The following PDGFC variants were observed in gnomAD, a reference collection of about 807,000 sequenced individuals.
PDGFC encodes platelet-derived growth factor C.
PDGFC carries 12 observed loss-of-function variants against 35.5 expected under a neutral mutation model. The ratio of observed to expected loss-of-function variants is 0.34; its 90% CI spans 0.22 to 0.55. The LOEUF (loss-of-function observed/expected upper bound fraction) is 0.55. PDGFC is among the 20% of genes least tolerant of loss of function. The probability of loss-of-function intolerance (pLI) is 0.91; values close to 1 mark genes in which losing one functional copy is unlikely to be tolerated. For missense variants in PDGFC, 322 were observed against 412.4 expected, an observed-to-expected ratio of 0.78 and a Z score of 1.90; for synonymous variants, 159 against 148.8, an observed-to-expected ratio of 1.07 and a Z score of -0.50.
At chr4:156,891,804 T>C (rs935783022) in intron 1 of PDGFC, among the ~76,000 whole-genome samples, 2 of 152,200 alleles carry the variant, frequency 1.3e-5, no homozygotes, top group Non-Finnish European at 2.9e-5. Flanking sequence ...TATAGTAGAA[T>C]AATTCACCAT....
chr4:156,961,201 T>C (rs1374473229), intron 1 of PDGFC, among the ~76,000 whole-genome samples: 1 of 152,136 alleles, frequency 6.6e-6, no homozygotes, highest in African/African-American at 2.4e-5. Flanking sequence ...TATGGCATTA[T>C]GGGAAACAAG....
intron 1 of PDGFC, chr4:156,873,872 G>T (rs1730045735): frequency 6.6e-6 from 1 of 152,198 alleles, no homozygotes; most frequent in African/African-American, 2.4e-5. Flanking sequence ...GTAAATGACA[G>T]TCCTCTATAC....
intron 1 of PDGFC, among the ~76,000 whole-genome samples, chr4:156,965,061 T>C (rs569293837): frequency 6.6e-6 from 1 of 152,300 alleles, no homozygotes; most frequent in East Asian, 1.9e-4. Flanking sequence ...ATTTGCCTGG[T>C]ACCTGCTCAC....
chr4:156,971,795 G>C lies in PDGFC; in HGVS notation c.-892C>G, dbSNP rs765887781. ...GGGGCTACGCGCGGCGTCTCCGCAC[G>C]GGGTGAAGAGGGAAGGCCGGGGCGG... On this transcript the variant is annotated 5_prime_UTR_variant, in exon 1 of 6. Transcript: ENST00000502773. 3.3e-5 allele frequency among the ~76,000 whole-genome samples: 5 copies of C among 152,100 alleles called. No individual in the cohort carries two copies. Among genetic ancestry groups the C allele is most frequent in the African/African-American group, 7.2e-5 (3 of 41,548 alleles).
chr4:156,770,811 T>C (rs1322678950), intron 4 of PDGFC, among the ~76,000 whole-genome samples: 2 of 152,172 alleles, frequency 1.3e-5, no homozygotes, highest in African/African-American at 4.8e-5. Context: ...TTTTAAGATA[T>C]TCAGTCCAAA....
intron 2 of PDGFC, among the ~76,000 whole-genome samples, chr4:156,820,343 T>C (rs1732215910): frequency 1.3e-5 from 2 of 152,168 alleles, no homozygotes; most frequent in Non-Finnish European, 2.9e-5. Flanking sequence ...TAAGAATCAA[T>C]CAACATGTCA....
chr4:156,871,529 C>T (rs939820196), intron 1 of PDGFC, among the ~76,000 whole-genome samples: 9 of 152,018 alleles, frequency 5.9e-5, no homozygotes, highest in African/African-American at 1.4e-4. Context: ...TTATCAATCT[C>T]GGCTTATTTT....
intron 3 of PDGFC, among the ~76,000 whole-genome samples, chr4:156,809,183 C>T (rs938793070): frequency 2.6e-5 from 4 of 151,960 alleles, no homozygotes; most frequent in Non-Finnish European, 4.4e-5. Context: ...TTGACAATAG[C>T]CCATTGAAGT....
At chr4:156,771,453 TAAGTTATTCATC>T (rs1730690855) in intron 4 of PDGFC, among the ~76,000 whole-genome samples, 2 of 152,314 alleles carry the variant, frequency 1.3e-5, no homozygotes, top group South Asian at 2.1e-4. Flanking sequence ...GTGTTGCTCG[TAAGTTATTCATC>T]AAGTTATTCA....
At chr4:156,783,746 T>C (rs949297970) in intron 3 of PDGFC, among the ~76,000 whole-genome samples, 3 of 152,188 alleles carry the variant, frequency 2.0e-5, no homozygotes, top group Non-Finnish European at 4.4e-5. Context: ...TTTGGATATT[T>C]TGATCTCCAA....
intron 5 of PDGFC, among the ~76,000 whole-genome samples, chr4:156,765,920 C>A (rs1730512701): frequency 3.9e-5 from 6 of 152,070 alleles, no homozygotes. Flanking sequence ...TAAATATCAA[C>A]CCACTAAATC....
chr4:156,954,876 C>T (rs1372031897), intron 1 of PDGFC, among the ~76,000 whole-genome samples: 2 of 152,038 alleles, frequency 1.3e-5, no homozygotes, highest in Non-Finnish European at 1.5e-5. Flanking sequence ...TGCAGCAGAA[C>T]AAGCTGTGTT....
intron 1 of PDGFC, among the ~76,000 whole-genome samples, chr4:156,897,719 T>C (rs1730669119): frequency 6.6e-6 from 1 of 152,198 alleles, no homozygotes; most frequent in Admixed American, 6.5e-5. Flanking sequence ...TGAAATTATT[T>C]CAACTTTTAG....
chr4:156,881,815 G>A (rs1253841213), intron 1 of PDGFC, among the ~76,000 whole-genome samples: 6 of 143,742 alleles, frequency 4.2e-5, no homozygotes, highest in African/African-American at 1.1e-4. Context: ...GGGACACAGC[G>A]AGCCTCAGTC....
chr4:156,954,101 A>G (rs1732148243), intron 1 of PDGFC, among the ~76,000 whole-genome samples: 1 of 151,960 alleles, frequency 6.6e-6, no homozygotes, highest in South Asian at 2.1e-4. Context: ...TGGGCACCAT[A>G]CTTACGTAAA....
intron 1 of PDGFC, among the ~76,000 whole-genome samples, chr4:156,872,740 T>C (rs1369966005): frequency 6.6e-6 from 1 of 152,256 alleles, no homozygotes; most frequent in Admixed American, 6.5e-5. Context: ...GGAATGCTTC[T>C]GTACCAAATA....
intron 1 of PDGFC, among the ~76,000 whole-genome samples, chr4:156,923,260 C>T (rs1213796377): frequency 6.6e-6 from 1 of 152,124 alleles, no homozygotes; most frequent in African/African-American, 2.4e-5. Context: ...TCACTCAGGG[C>T]CTTTCCGCTT....
chr4:156,951,516 G>A (rs1483568916), intron 1 of PDGFC, among the ~76,000 whole-genome samples: 1 of 151,620 alleles, frequency 6.6e-6, no homozygotes, highest in Non-Finnish European at 1.5e-5. Flanking sequence ...ACTGACGCAT[G>A]GGGCAGAAAT....
At chr4:156,868,974 C>A (rs949195620) in intron 1 of PDGFC, among the ~76,000 whole-genome samples, 4 of 152,160 alleles carry the variant, frequency 2.6e-5, no homozygotes, top group African/African-American at 7.2e-5. Flanking sequence ...TATCCTACTG[C>A]AAACTCACGA....
Sources: gnomAD v4.1 joint callset for allele counts (sites outside exome capture counted in the v4.1 genomes callset) on GRCh38, gnomAD v4.1.1 for gene constraint, MANE v1.5 for transcripts, NCBI Gene and HGNC (gene_info 2026-07-23, HGNC 2026-07-21) for gene names.